The following CDH23 variants were observed in gnomAD, a reference collection of about 807,000 sequenced individuals.
The protein encoded by CDH23 is cadherin-23.
In CDH23, 189 loss-of-function variants were observed where a neutral mutation model predicts 317.1. The observed-to-expected ratio is 0.60, with a 90% confidence interval of 0.53 to 0.67. The LOEUF (loss-of-function observed/expected upper bound fraction) is 0.67, where lower values mean the gene tolerates loss of function less well. CDH23 is among the 30% of genes least tolerant of loss of function. The pLI, the probability that CDH23 is intolerant of heterozygous loss-of-function variation, is 0.00. For synonymous variants in CDH23, 1,839 were observed against 1,876.8 expected, an observed-to-expected ratio of 0.98 and a Z score of 0.52; for missense variants, 4,401 against 4,592.4, an observed-to-expected ratio of 0.96 and a Z score of 1.20.
chr10:71,657,293 G>A (rs569668370), intron 14 of CDH23, among the ~76,000 whole-genome samples: 3 of 152,316 alleles, frequency 2.0e-5, no homozygotes, highest in Admixed American at 6.5e-5. Context: ...CTATAAAATG[G>A]GAAGAGTAAT....
At chr10:71,413,812 G>C (rs932725592) in intron 1 of CDH23, among the ~76,000 whole-genome samples, 21 of 152,050 alleles carry the variant, frequency 1.4e-4, no homozygotes, top group Non-Finnish European at 2.5e-4. Flanking sequence ...GAGACTACAG[G>C]CATGTGACAC....
At chr10:71,707,493 A>C (rs1865836302) in intron 26 of CDH23, 1 of 1,091,082 alleles carries the variant, frequency 9.2e-7, no homozygotes, top group Non-Finnish European at 1.1e-6. Flanking sequence ...CCTAAATGAA[A>C]TGGTTTTAGC....
In CDH23 at chr10:71,715,814, T is replaced by G. The variant is rs961376356; in HGVS notation, c.3369+3001T>G. 7.5e-6 allele frequency: 7 copies of G among 931,814 alleles called. No homozygotes were observed. In the East Asian group the frequency reaches 1.6e-4, roughly 21 times the overall value. The allele number at this position is 931,814 out of a possible 1,614,324, so 57.7% of individuals were successfully genotyped here. On this transcript the variant is annotated intron_variant, in intron 28 of 69. Transcript: ENST00000224721. ...TGGGCATGCAAGGAGCTTCGGGGGG[T>G]GAGTGTGTGTCCCAGACTGCTTGGG...
intron 9 of CDH23, among the ~76,000 whole-genome samples, chr10:71,579,237 G>C (rs1858457389): frequency 6.6e-6 from 1 of 152,122 alleles, no homozygotes. Context: ...CAGGAAACCA[G>C]GGGTGTCATG....
rs1392353999 is a variant in CDH23 at position 71,566,742 on chromosome 10, A to G, written c.430A>G (p.Asn144Asp). ...NQPYSVRIPENTPVGTPIFIV... is the reference protein window; with the variant it reads ...NQPYSVRIPEDTPVGTPIFIV... Reference sequence around the variant, plus strand: ...GTACTTGCTTTGCTCTCATCCCCAGAATACACCAGTGGGGACGCCCATCTT... The same window carrying G: ...GTACTTGCTTTGCTCTCATCCCCAGGATACACCAGTGGGGACGCCCATCTT... The change falls in exon 7 of 70, where the codon AAT becomes GAT. Residue 144 changes from asparagine (N) to aspartate (D), a missense_variant and splice_region_variant. By Grantham distance (23) the Asn-to-Asp change is conservative. Around this residue, in one of 3 missense-constraint regions of CDH23, gnomAD observed 3,068 missense variants for 3,203.3 expected, o/e 0.96. Transcript: ENST00000224721. 3 of 1,596,356 alleles carry G rather than the reference A, an allele frequency of 1.9e-6. No homozygotes were observed. Among genetic ancestry groups the G allele is most frequent in the African/African-American group, 2.7e-5 (2 of 74,728 alleles).
At chr10:71,725,591 C>G in intron 30 of CDH23, 71 bp downstream of exon 30, 2 of 1,518,162 alleles carry the variant, frequency 1.3e-6, no homozygotes, top group Non-Finnish European at 1.8e-6. Context: ...CAGAGAAGGC[C>G]ATTAGTTGGC....
At chr10:71,651,744 T>C (rs1589298222) in intron 14 of CDH23, among the ~76,000 whole-genome samples, 1 of 152,290 alleles carries the variant, frequency 6.6e-6, no homozygotes, top group South Asian at 2.1e-4. Flanking sequence ...GTTCTGATAG[T>C]GGGGAAGGCC....
At chr10:71,679,360 G>T in intron 16 of CDH23, 27 bp from the exon 17 acceptor site, 1 of 1,372,480 alleles carries the variant, frequency 7.3e-7, no homozygotes, top group Non-Finnish European at 1.0e-6. Context: ...GCAGGCTCAC[G>T]GCCCTTGTCT....
In CDH23 at chr10:71,687,663, C is replaced by A. The variant is rs770217672; in HGVS notation, c.2003C>A (p.Pro668His). ...TIEVFDENDN[P>H]PTFSKPAYFV... ...TCCTTCCAGGATGAGAATGACAACC[C>A]TCCCACCTTCAGCAAGCCCGCCTAC... Residue 668 changes from proline (P) to histidine (H), a missense_variant, in exon 19 of 70, where the codon CCT becomes CAT. Coordinates refer to ENST00000224721, the MANE Select transcript of CDH23 (RefSeq NM_022124.6). 1.2e-6 allele frequency: 2 copies of A among 1,613,906 alleles called. No homozygotes were observed. Among genetic ancestry groups the A allele is most frequent in the Non-Finnish European group, 1.7e-6 (2 of 1,179,872 alleles).
In CDH23 at chr10:71,572,647, GT is replaced by G. The variant is rs145899058; in HGVS notation, c.753+1731del. ...CAGCCCAAAGTCCACCCACCCATTT[GT>G]TCCCAGTTCACTCTCTACCTTTCTT... On this transcript the variant is annotated intron_variant, in intron 8 of 69. Transcript: ENST00000224721. Among the ~76,000 whole-genome samples, 1,133 of 152,258 alleles carry G rather than the reference GT, an allele frequency of 7.4e-3. 11 individuals carry two copies. Among genetic ancestry groups the G allele is most frequent in the African/African-American group, 0.026 (1,068 of 41,554 alleles).
chr10:71,786,524 C>T (rs1257534281), intron 44 of CDH23, among the ~76,000 whole-genome samples: 2 of 135,352 alleles, frequency 1.5e-5, no homozygotes, highest in African/African-American at 2.8e-5. Context: ...CAGAGTCTCA[C>T]TCTGTCACCC....
At chr10:71,795,392 T>A (rs1435967093) in intron 48 of CDH23, 2 of 152,204 alleles carry the variant, frequency 1.3e-5, no homozygotes, top group African/African-American at 4.8e-5. Flanking sequence ...GCAAAATTCC[T>A]GGCTGCATGG....
intron 9 of CDH23, among the ~76,000 whole-genome samples, chr10:71,582,263 C>A (rs1374129751): frequency 6.6e-6 from 1 of 152,114 alleles, no homozygotes; most frequent in Non-Finnish European, 1.5e-5. Context: ...GCCCACAAGC[C>A]CATGTAGCTA....
At chr10:71,610,396 C>G (rs1259918611) in intron 9 of CDH23, among the ~76,000 whole-genome samples, 1 of 152,190 alleles carries the variant, frequency 6.6e-6, no homozygotes, top group Non-Finnish European at 1.5e-5. Flanking sequence ...TTTCCTTGCC[C>G]CATAGCACAG....
chr10:71,713,163 G>A (rs1177168821), intron 28 of CDH23: 1 of 779,322 alleles, frequency 1.3e-6, no homozygotes, highest in Admixed American at 1.7e-5. Flanking sequence ...AAGAGAGCCA[G>A]GGCCCAGCAA....
chr10:71,456,125 T>C (rs1426981094), intron 3 of CDH23, among the ~76,000 whole-genome samples: 1 of 150,966 alleles, frequency 6.6e-6, no homozygotes, highest in African/African-American at 2.4e-5. Flanking sequence ...GCTAGAGCGC[T>C]TAAGGAGGGG....
chr10:71,655,126 G>A (rs1668870533), intron 14 of CDH23, among the ~76,000 whole-genome samples: 1 of 152,166 alleles, frequency 6.6e-6, no homozygotes, highest in African/African-American at 2.4e-5. Context: ...CAGGAGAGCA[G>A]AAGGGAAACC....
intron 11 of CDH23, among the ~76,000 whole-genome samples, chr10:71,618,307 G>A (rs1056248801): frequency 1.3e-5 from 2 of 152,180 alleles, no homozygotes; most frequent in East Asian, 3.9e-4. Flanking sequence ...GAGGCTCAGG[G>A]TGGGGGCAGC....
chr10:71,617,342 A>G lies in CDH23; in HGVS notation c.1083A>G (p.Ala361=). 2 of 1,613,970 alleles carry G rather than the reference A, an allele frequency of 1.2e-6. No individual in the cohort carries two copies. The highest frequency in any genetic ancestry group is 2.7e-5 in the African/African-American group (2 of 75,046). The change falls in exon 11 of 70, where the codon GCA becomes GCG. Residue 361 remains alanine, a synonymous_variant. Coordinates refer to ENST00000224721, the MANE Select transcript of CDH23 (RefSeq NM_022124.6). ...ACAGCGTGGCCATCACTGAGCTGGC[A>G]CAGGTCGGCTTTGCCCTTCCACTCT... is the stretch of plus-strand genomic sequence containing the variant. ...SEYSVAITEL[A]QVGFALPLFI... is the part of the protein sequence containing the mutation.
Sources: allele counts gnomAD v4.1 joint callset (sites outside exome capture counted in the v4.1 genomes callset), GRCh38; gene constraint gnomAD v4.1.1; regional missense constraint gnomAD v4.1.1; transcripts MANE v1.5; gene names NCBI Gene and HGNC (gene_info 2026-07-23, HGNC 2026-07-21).